The following NLRP13 variants were observed in gnomAD, a reference collection of about 807,000 sequenced individuals.
The protein encoded by NLRP13 is NLR family pyrin domain containing 13, also known as NACHT, LRR and PYD domains-containing protein 13.
In NLRP13, 82 loss-of-function variants were observed where a neutral mutation model predicts 94.4. The observed-to-expected ratio is 0.87, with a 90% CI of 0.73 to 1.04. The LOEUF is 1.04. NLRP13 is among the 50% of genes least tolerant of loss of function. The probability of loss-of-function intolerance (pLI) is 0.00; values close to 1 mark genes in which losing one functional copy is unlikely to be tolerated. For missense variants in NLRP13, 1,426 were observed against 1,230.8 expected (o/e 1.16, Z -2.37); for synonymous variants, 553 against 464.7 (o/e 1.19, Z -2.45).
At chr19:55,897,601 A>AT (rs1480887959) in intron 10 of NLRP13, among the ~76,000 whole-genome samples, 3 of 152,180 alleles carry the variant, frequency 2.0e-5, no homozygotes, top group South Asian at 2.1e-4. Context: ...TCGTTAACTG[A>AT]TTTTTTTGAA....
At position 55,931,718 on chromosome 19, in the gene NLRP13, A is replaced by AG; in HGVS notation, c.319+274_319+275insC. ...AGTGGAGACTCAGGCTCAAAAAAAA[A>AG]AAAAAAAGAAAGAAAGAAAGAAAGA... On this transcript the variant is annotated intron_variant, in intron 1 of 10. Coordinates refer to ENST00000342929, the MANE Select transcript of NLRP13 (RefSeq NM_176810.2). 1.5e-3 allele frequency among the ~76,000 whole-genome samples: 146 copies of AG among 96,036 alleles called. 4 individuals carry two copies. Among genetic ancestry groups the AG allele is most frequent in the African/African-American group, 5.7e-3 (138 of 24,124 alleles). The allele number at this position is 96,036 out of a possible 152,430, so 63.0% of individuals were successfully genotyped here.
chr19:55,923,335 A>G (rs538902311), intron 4 of NLRP13, among the ~76,000 whole-genome samples: 182 of 152,194 alleles, frequency 1.2e-3, no homozygotes, highest in Non-Finnish European at 2.3e-3. Context: ...AGGCTGGGGG[A>G]GAGGGGGTTG....
chr19:55,909,809 C>G (rs750185136), intron 6 of NLRP13, among the ~76,000 whole-genome samples: 24 of 152,118 alleles, frequency 1.6e-4, no homozygotes, highest in Non-Finnish European at 2.8e-4. Flanking sequence ...CCTCATGGTG[C>G]CTTCTATCTC....
In NLRP13 at chr19:55,902,061, G is replaced by A; in HGVS notation, c.2763C>T (p.Arg921=). ...TCAGGCTCTGCAGGTTACCATCTGG[G>A]CGACCCAAGGCCTCACACAGGAACT... ...GVKFLCEALG[R]PDGNLQSLNL... is the part of the protein sequence containing the mutation. Residue 921 remains arginine, a synonymous_variant, in exon 9 of 11, where the codon CGC becomes CGT. Transcript: ENST00000342929. 1.2e-6 allele frequency: 2 copies of A among 1,614,106 alleles called. No homozygotes were observed. The highest frequency in any genetic ancestry group is 1.7e-6 in the Non-Finnish European group (2 of 1,179,992).
chr19:55,898,038 G>A (rs1986060449), intron 10 of NLRP13, among the ~76,000 whole-genome samples: 1 of 152,068 alleles, frequency 6.6e-6, no homozygotes, highest in Non-Finnish European at 1.5e-5. Context: ...ATTCACAGTG[G>A]GGAGCAGGCT....
In NLRP13 at chr19:55,907,777, G is replaced by A; in HGVS notation, c.2447+15C>T. 1 of 1,613,240 alleles carries A rather than the reference G, an allele frequency of 6.2e-7. No homozygotes were observed. Among genetic ancestry groups the A allele is most frequent in the Non-Finnish European group, 8.5e-7 (1 of 1,179,586 alleles). ...TGCAACCCCCCTTGACAGATCTAGG[G>A]AGCCAAAGACTTACCACAGATACTT... On this transcript the variant is annotated intron_variant, in intron 7 of 10. Transcript: ENST00000342929.
intron 6 of NLRP13, among the ~76,000 whole-genome samples, chr19:55,909,173 T>C (rs1986435646): frequency 6.6e-6 from 1 of 152,196 alleles, no homozygotes; most frequent in Admixed American, 6.5e-5. Context: ...TACGCATTAC[T>C]CTCTCCTCTA....
intron 1 of NLRP13, among the ~76,000 whole-genome samples, chr19:55,927,297 G>A (rs1028349900): frequency 2.0e-5 from 3 of 151,006 alleles, no homozygotes; most frequent in African/African-American, 7.3e-5. Flanking sequence ...TGAACCCGGA[G>A]GCAGAGGTTG....
chr19:55,918,305 C>T (rs1251568037), intron 4 of NLRP13, among the ~76,000 whole-genome samples: 1 of 137,610 alleles, frequency 7.3e-6, no homozygotes, highest in Non-Finnish European at 1.6e-5. Flanking sequence ...AAAAAAAAAT[C>T]ACAAATTAAC....
At position 55,907,283 on chromosome 19, in the gene NLRP13, C is replaced by A. The variant is rs181486695; in HGVS notation, c.2447+509G>T. The stretch of plus-strand genomic sequence containing the variant: ...TGGAATCTGTATTTTAAAACACCCA[C>A]TAGGTTGGGCCGGGCACATTGACTC... On this transcript the variant is annotated intron_variant, in intron 7 of 10. Transcript: ENST00000342929. Among the ~76,000 whole-genome samples the A allele has an allele frequency of 4.2e-4, 63 of 150,822 alleles. 1 individual carries two copies. In the East Asian group the frequency reaches 0.011, roughly 26 times the overall value.
At chr19:55,909,925 T>C (rs1312491255) in intron 6 of NLRP13, among the ~76,000 whole-genome samples, 11 of 152,182 alleles carry the variant, frequency 7.2e-5, no homozygotes, top group Non-Finnish European at 1.5e-5. Flanking sequence ...ACCTTTTCAG[T>C]GAGGCCCTTC....
At chr19:55,930,623 G>C (rs1987088418) in intron 1 of NLRP13, among the ~76,000 whole-genome samples, 1 of 147,380 alleles carries the variant, frequency 6.8e-6, no homozygotes, top group Non-Finnish European at 1.5e-5. Context: ...GAGGCGGAGA[G>C]TGCAGTAAGC....
chr19:55,930,901 A>ATATATATATATATATATATATTTTTT (rs1338071833), intron 1 of NLRP13, among the ~76,000 whole-genome samples: 1 of 98,286 alleles, frequency 1.0e-5, no homozygotes, highest in African/African-American at 5.8e-5. Flanking sequence ...TATATATAAA[A>ATATATATATATATATATATATTTTTT]TTTTAACCAG....
chr19:55,891,998 G>A (rs1018169592), downstream of NLRP13: 3 of 869,714 alleles, frequency 3.4e-6, no homozygotes, highest in Non-Finnish European at 4.6e-6. Flanking sequence ...CTAATCCGTG[G>A]GATCACCACC....
chr19:55,931,163 T>A (rs1987122706), intron 1 of NLRP13, among the ~76,000 whole-genome samples: 1 of 151,962 alleles, frequency 6.6e-6, no homozygotes, highest in Admixed American at 6.6e-5. Context: ...AGACAGAAAG[T>A]GTAGAATGGG....
At position 55,931,992 on chromosome 19, in the gene NLRP13, C is replaced by T; in HGVS notation, c.319+1G>A. On this transcript the variant is annotated splice_donor_variant, in intron 1 of 10. Transcript: ENST00000342929. LOFTEE classifies it high-confidence loss of function. ...CCGCCTTCCTTCTTGAGGACTCTCA[C>T]CTTTCATCTCGGCTCTAACTTTCTC... is the stretch of plus-strand genomic sequence containing the variant. 2 of 1,612,894 alleles carry T rather than the reference C, an allele frequency of 1.2e-6. No individual in the cohort carries two copies. Among genetic ancestry groups the T allele is most frequent in the Non-Finnish European group, 1.7e-6 (2 of 1,179,986 alleles).
At chr19:55,892,575 C>A (rs1008455623), downstream of NLRP13, among the ~76,000 whole-genome samples, 1 of 152,092 alleles carries the variant, frequency 6.6e-6, no homozygotes, top group African/African-American at 2.4e-5. Context: ...GCGCACACCA[C>A]CACGCCGGCT....
Position 55,918,245 on chromosome 19 carries a change from T to C in NLRP13, c.524-4952A>G, listed in dbSNP as rs1168050268. On this transcript the variant is annotated intron_variant, in intron 4 of 10. Coordinates refer to ENST00000342929, the MANE Select transcript of NLRP13 (RefSeq NM_176810.2). ...GAGACACAACATATCAAAACCTCTG[T>C]GATACAGCAAAAAAAAAAAAAAAGT... 2.6e-5 allele frequency among the ~76,000 whole-genome samples: 3 copies of C among 113,834 alleles called. No individual in the cohort carries two copies. The East Asian group carries it at 7.7e-4, about 29-fold the overall frequency. The allele number at this position is 113,834 out of a possible 152,430, so 74.7% of individuals were successfully genotyped here.
Position 55,898,878 on chromosome 19 carries a change from T to C in NLRP13, c.2849A>G (p.His950Arg), listed in dbSNP as rs150412823. The part of the protein sequence containing the change: ...GCGELANALS[H>R]NHNVKILDLG... ...ATCCAAGATTTTCACATTATGATTA[T>C]GGCTGAGGGCATTAGCCAGCTCTCC... is the stretch of plus-strand genomic sequence containing the variant. The change falls in exon 10 of 11, where the codon CAT becomes CGT. Residue 950 changes from histidine (H) to arginine (R), a missense_variant. Physicochemically the swap from His to Arg is conservative, Grantham distance 29. Transcript: ENST00000342929. 18 of 1,614,054 alleles carry C rather than the reference T, an allele frequency of 1.1e-5. No homozygotes were observed. The African/African-American group carries it at 1.2e-4, about 11-fold the overall frequency.
Sources: gnomAD v4.1 joint callset for allele counts (sites outside exome capture counted in the v4.1 genomes callset) on GRCh38, gnomAD v4.1.1 for gene constraint, MANE v1.5 for transcripts, NCBI Gene and HGNC (gene_info 2026-07-23, HGNC 2026-07-21) for gene names.